SLC7A2: variants seen among roughly 807,000 people sequenced by gnomAD.
SLC7A2 encodes cationic amino acid transporter 2.
Under a neutral mutation model 58.9 loss-of-function variants are expected in SLC7A2, and 48 were observed. That is an observed-to-expected ratio of 0.82 (90% CI 0.65 to 1.04). The LOEUF (loss-of-function observed/expected upper bound fraction) is 1.04, where lower values mean the gene tolerates loss of function less well. SLC7A2 is among the 50% of genes least tolerant of loss of function. The probability of loss-of-function intolerance (pLI) is 0.00; values close to 1 mark genes in which losing one functional copy is unlikely to be tolerated. For missense variants in SLC7A2, 1,029 were observed against 818.8 expected, an observed-to-expected ratio of 1.26 and a Z score of -3.13; for synonymous variants, 363 against 314.5, an observed-to-expected ratio of 1.15 and a Z score of -1.63.
intron 2 of SLC7A2, among the ~76,000 whole-genome samples, chr8:17,541,229 T>C (rs1169097951): frequency 6.6e-6 from 1 of 152,234 alleles, no homozygotes; most frequent in Non-Finnish European, 1.5e-5. Flanking sequence ...AGTTGGTTTT[T>C]ATATAACTTT....
chr8:17,553,267 T>G (rs1446183910), intron 7 of SLC7A2, among the ~76,000 whole-genome samples: 1 of 152,084 alleles, frequency 6.6e-6, no homozygotes, highest in African/African-American at 2.4e-5. Flanking sequence ...CCGAGGCTGG[T>G]CTTGAACTCC....
chr8:17,496,357 C>A (rs1799958227), upstream of SLC7A2, among the ~76,000 whole-genome samples: 1 of 152,172 alleles, frequency 6.6e-6, no homozygotes, highest in Non-Finnish European at 1.5e-5. Flanking sequence ...CACACACACA[C>A]TGACACACAC....
chr8:17,554,467 C>T (rs1157861454), intron 7 of SLC7A2, 93 bp from the exon 8 acceptor site: 2 of 1,013,766 alleles, frequency 2.0e-6, no homozygotes, highest in Admixed American at 2.8e-5. Context: ...TTACAACTGT[C>T]ATGCTGAATA....
chr8:17,519,893 T>C (rs759945307), intron 2 of SLC7A2, among the ~76,000 whole-genome samples: 1 of 152,202 alleles, frequency 6.6e-6, no homozygotes, highest in Non-Finnish European at 1.5e-5. Context: ...AGCACCCTGC[T>C]TCTTCTTCTG....
intron 1 of SLC7A2, chr8:17,500,219 C>T (rs921548973): frequency 2.6e-5 from 4 of 152,182 alleles, no homozygotes; most frequent in African/African-American, 7.2e-5. Context: ...CCTGTCTGTG[C>T]CGCAAAGCAA....
intron 2 of SLC7A2, among the ~76,000 whole-genome samples, chr8:17,527,821 A>T (rs1801279740): frequency 6.6e-6 from 1 of 152,192 alleles, no homozygotes. Flanking sequence ...AAGGTCACCA[A>T]ATAAGGTACC....
chr8:17,524,380 A>T (rs1011396710), intron 2 of SLC7A2, among the ~76,000 whole-genome samples: 2 of 151,446 alleles, frequency 1.3e-5, no homozygotes, highest in African/African-American at 2.4e-5. Flanking sequence ...CAACAAGTAT[A>T]GAAAGAAAAT....
rs1466687810 is a variant in SLC7A2 at position 17,497,088 on chromosome 8, C to G, written c.-218C>G. On this transcript the variant is annotated 5_prime_UTR_variant, in exon 1 of 13. Transcript: ENST00000494857. ...CAGAGGGGCGCCCACGTGCCCAGCC[C>G]TCCTTCTGCAGCGCGGCCGGCGGGC... 1 of 151,214 alleles carries G rather than the reference C, an allele frequency of 6.6e-6. No individual in the cohort carries two copies. The highest frequency in any genetic ancestry group is 1.9e-4 in the East Asian group (1 of 5,162). The allele number at this position is 151,214 out of a possible 1,614,324, so 9.4% of individuals were successfully genotyped here.
intron 10 of SLC7A2, among the ~76,000 whole-genome samples, chr8:17,561,242 G>C (rs1335258709): frequency 6.6e-6 from 1 of 152,150 alleles, no homozygotes; most frequent in Non-Finnish European, 1.5e-5. Context: ...CCAAGACTGG[G>C]TAAATTATAA....
chr8:17,538,958 A>G (rs1305863301), intron 2 of SLC7A2: 3 of 1,585,292 alleles, frequency 1.9e-6, no homozygotes, highest in Non-Finnish European at 2.6e-6. Context: ...ATACTGATAT[A>G]GAAGATTAAG....
At chr8:17,506,910 A>C (rs1016161785) in intron 2 of SLC7A2, among the ~76,000 whole-genome samples, 3 of 152,162 alleles carry the variant, frequency 2.0e-5, no homozygotes, top group Non-Finnish European at 2.9e-5. Context: ...TGTGAAAACA[A>C]ATAATAATTA....
chr8:17,496,313 C>A (rs1401198693), upstream of SLC7A2, among the ~76,000 whole-genome samples: 2 of 152,112 alleles, frequency 1.3e-5, no homozygotes, highest in African/African-American at 2.4e-5. Context: ...CAGAGTGAGA[C>A]CCTGTCTCTA....
intron 2 of SLC7A2, among the ~76,000 whole-genome samples, chr8:17,515,244 T>A (rs1800756753): frequency 2.0e-5 from 3 of 152,184 alleles, no homozygotes; most frequent in Admixed American, 1.3e-4. Flanking sequence ...TTGTGGTTTT[T>A]AATTTTTTAG....
At chr8:17,537,479 A>G (rs1000983348) in intron 2 of SLC7A2, among the ~76,000 whole-genome samples, 6 of 152,290 alleles carry the variant, frequency 3.9e-5, no homozygotes, top group East Asian at 3.9e-4. Context: ...TAAGAGCTTC[A>G]AGAACATCTA....
intron 2 of SLC7A2, among the ~76,000 whole-genome samples, chr8:17,528,087 C>G (rs2720495): frequency 0.61 from 92,344 of 151,902 alleles, 28,590 homozygotes; most frequent in African/African-American, 0.69. Flanking sequence ...CCCTGGGGCA[C>G]TCAGATGCTT....
intron 6 of SLC7A2, 28 bp downstream of exon 6, chr8:17,550,462 G>A: frequency 6.2e-7 from 1 of 1,604,550 alleles, no homozygotes; most frequent in Non-Finnish European, 8.5e-7. Flanking sequence ...GCTCAGTGTA[G>A]AAGGAGTGTT....
chr8:17,547,312 A>G (rs932366281), intron 4 of SLC7A2, among the ~76,000 whole-genome samples: 2 of 152,116 alleles, frequency 1.3e-5, no homozygotes, highest in African/African-American at 4.8e-5. Flanking sequence ...ATCAGATCTC[A>G]TGAGGTGTAT....
intron 2 of SLC7A2, chr8:17,539,056 G>A (rs1246669928): frequency 4.1e-5 from 30 of 727,838 alleles, no homozygotes; most frequent in Middle Eastern, 2.4e-4. Context: ...GAACTAAAGT[G>A]AAAATCCAGG....
intron 4 of SLC7A2, among the ~76,000 whole-genome samples, chr8:17,548,264 A>G (rs1802272514): frequency 6.6e-6 from 1 of 152,182 alleles, no homozygotes. Context: ...TTGTTTGAGC[A>G]CAGGTGGCAG....
Sources: allele counts gnomAD v4.1 joint callset (sites outside exome capture counted in the v4.1 genomes callset), GRCh38; gene constraint gnomAD v4.1.1; transcripts MANE v1.5; gene names NCBI Gene and HGNC (gene_info 2026-07-23, HGNC 2026-07-21).